Variants in POMT2 observed in about 807,000 individuals in gnomAD.
The protein encoded by POMT2 is protein O-mannosyltransferase 2.
POMT2 carries 75 observed loss-of-function variants against 100.0 expected under a neutral mutation model. The observed-to-expected ratio is 0.75, with a 90% CI of 0.62 to 0.91. POMT2 has a LOEUF of 0.91. POMT2 is among the 40% of genes least tolerant of loss of function. The pLI is 0.00. For missense variants in POMT2, 940 were observed against 955.1 expected (o/e 0.98, Z 0.21); for synonymous variants, 378 against 374.1 (o/e 1.01, Z -0.12).
chr14:77,288,652 G>A, intron 11 of POMT2, 110 bp downstream of exon 11: 1 of 907,102 alleles, frequency 1.1e-6, no homozygotes, highest in Non-Finnish European at 1.8e-6. Flanking sequence ...CTGTGGCCTT[G>A]CTCCATTGAC....
Position 77,312,216 on chromosome 14 carries a change from T to C in POMT2, c.249-183A>G, listed in dbSNP as rs780300354. ...GGAAGAAAGACATCAAGCTGGCCAC[T>C]GGTCTTCATTTAGATAGATGAGAAA... On this transcript the variant is annotated intron_variant, in intron 1 of 20. Transcript: ENST00000261534. The C allele has an allele frequency of 4.0e-6, 4 of 1,000,598 alleles. No individual in the cohort carries two copies. The South Asian group carries it at 7.0e-5, about 18-fold the overall frequency. 62.0% of individuals were successfully genotyped at this position (1,000,598 alleles called of 1,614,324 possible).
In POMT2 at chr14:77,284,083, T is replaced by C. The variant is rs188406110; in HGVS notation, c.1577-210A>G. 4 of 604,762 alleles carry C rather than the reference T, an allele frequency of 6.6e-6. No homozygotes were observed. In the East Asian group the frequency reaches 9.2e-5, roughly 14 times the overall value. 37.5% of individuals were successfully genotyped at this position (604,762 alleles called of 1,614,324 possible). On this transcript the variant is annotated intron_variant, in intron 14 of 20. Transcript: ENST00000261534. ...GGCATTCTAAGAAATGCAAAGGAAA[T>C]AGACAACAAGGTTTCACCTGCTTGG... is the stretch of plus-strand genomic sequence containing the variant.
chr14:77,314,904 C>T (rs2139527783), intron 1 of POMT2, among the ~76,000 whole-genome samples: 1 of 152,332 alleles, frequency 6.6e-6, no homozygotes, highest in South Asian at 2.1e-4. Context: ...ATAAATATGA[C>T]TTGCTTTGTG....
Position 77,278,431 on chromosome 14 carries a change from C to T in POMT2, c.2110G>A (p.Ala704Thr). The T allele has an allele frequency of 6.7e-7, 1 of 1,494,522 alleles. No homozygotes were observed. 92.6% of individuals were successfully genotyped at this position (1,494,522 alleles called of 1,614,324 possible). A position where few individuals can be genotyped will look rare whatever the true frequency, so the allele number is the denominator to read the frequency against. ...SWPLARGIHV[A>T]GILSLLLGTA... ...CCCAGGAGCAGGCTCAGGATTCCCG[C>T]CACATGTATGCCCCTCGCCAGGGGC... Residue 704 changes from alanine to threonine, a missense_variant, in exon 20 of 21, where the codon GCG becomes ACG. Ala to Thr is a moderately conservative substitution (Grantham distance 58). Coordinates refer to ENST00000261534, the MANE Select transcript of POMT2 (RefSeq NM_013382.7).
chr14:77,280,247 A>G, intron 16 of POMT2, 145 bp downstream of exon 16: 1 of 1,555,612 alleles, frequency 6.4e-7, no homozygotes, highest in Non-Finnish European at 8.7e-7. Flanking sequence ...ATTAGGGCAG[A>G]AAACAGATAC....
rs570851802 is a variant in POMT2 at position 77,298,776 on chromosome 14, G to T, written c.924-5C>A. Reference sequence around the variant, plus strand: ...AAGAAACCGTCACCAGGGCCACTGTGGGGAGAGGAAGAGCAGAAGAGAGTC... The same window carrying T: ...AAGAAACCGTCACCAGGGCCACTGTTGGGAGAGGAAGAGCAGAAGAGAGTC... On this transcript the variant is annotated splice_region_variant and splice_polypyrimidine_tract_variant and intron_variant, in intron 7 of 20. Transcript: ENST00000261534. 6.2e-7 allele frequency: 1 copy of T among 1,611,504 alleles called. No individual in the cohort carries two copies. Among genetic ancestry groups the T allele is most frequent in the Admixed American group, 1.7e-5 (1 of 59,726 alleles).
In POMT2 at chr14:77,278,792, T is replaced by C; in HGVS notation, c.1969A>G (p.Met657Val). ...TGGTGGAAGTAGAGGACCCGGCCCA[T>C]CAGGAAAAACGGGAAGTAATGGAGT... is the stretch of plus-strand genomic sequence containing the variant. The part of the protein sequence containing the change: ...WTLHYFPFFL[M>V]GRVLYFHHYF... The change falls in exon 19 of 21, where the codon ATG becomes GTG. Residue 657 changes from methionine (M) to valine (V), a missense_variant. By Grantham distance (21) the Met-to-Val change is conservative (BLOSUM62 1). Transcript: ENST00000261534. 2 of 1,613,786 alleles carry C rather than the reference T, an allele frequency of 1.2e-6. No homozygotes were observed. The highest frequency in any genetic ancestry group is 1.7e-6 in the Non-Finnish European group (2 of 1,179,868).
At position 77,320,440 on chromosome 14, in the gene POMT2, T is replaced by G. The variant is rs746662519; in HGVS notation, c.242A>C (p.His81Pro). The G allele has an allele frequency of 1.3e-6, 2 of 1,546,450 alleles. No individual in the cohort carries two copies. The highest frequency in any genetic ancestry group is 3.9e-5 in the Admixed American group (2 of 51,014). ...AGTCCCTCCCATCACTCACCAGATGTGCGGCGGCTCGTCCAAGCGGTGGAA... is the reference window on the plus strand; with the variant it reads ...AGTCCCTCCCATCACTCACCAGATGGGCGGCGGCTCGTCCAAGCGGTGGAA... The part of the protein sequence containing the change: ...TRFHRLDEPP[H>P]ICWDETHFGK... Residue 81 changes from histidine (H) to proline (P), a missense_variant, in exon 1 of 21, where the codon CAC becomes CCC. By Grantham distance (77) the His-to-Pro change is moderately conservative (BLOSUM62 -2). Coordinates refer to ENST00000261534, the MANE Select transcript of POMT2 (RefSeq NM_013382.7).
chr14:77,312,312 T>G (rs1172761015), intron 1 of POMT2: 3 of 326,014 alleles, frequency 9.2e-6, no homozygotes, highest in Non-Finnish European at 1.7e-5. Context: ...TATCTTGAGT[T>G]TCTATTTATT....
intron 10 of POMT2, among the ~76,000 whole-genome samples, chr14:77,289,969 A>T (rs1370042617): frequency 6.6e-6 from 1 of 152,194 alleles, no homozygotes; most frequent in Non-Finnish European, 1.5e-5. Context: ...AGAATCAGAG[A>T]ACTCAACCGC....
At position 77,279,896 on chromosome 14, in the gene POMT2, G is replaced by T; in HGVS notation, c.1818C>A (p.Ala606=). 1 of 1,614,110 alleles carries T rather than the reference G, an allele frequency of 6.2e-7. No individual in the cohort carries two copies. Among genetic ancestry groups the T allele is most frequent in the Non-Finnish European group, 8.5e-7 (1 of 1,180,016 alleles). ...VVWWLNLLSI[A]LYLLSGSIIA... Reference sequence around the variant, plus strand: ...TGATGCTCCCTGAGAGGAGGTAGAGGGCGATGCTCAACAGATTCAGCCACC... The same window carrying T: ...TGATGCTCCCTGAGAGGAGGTAGAGTGCGATGCTCAACAGATTCAGCCACC... The change falls in exon 18 of 21, where the codon GCC becomes GCA. Residue 606 remains alanine (A), a synonymous_variant. Transcript: ENST00000261534.
At chr14:77,304,926 C>T in intron 3 of POMT2, 126 bp from the exon 4 acceptor site, 1 of 1,479,742 alleles carries the variant, frequency 6.8e-7, no homozygotes, top group South Asian at 1.2e-5. Flanking sequence ...GACCTAAAGT[C>T]ACCTAGGATA....
rs1890679669 is a variant in POMT2, at chr14:77,292,688, G to A, written c.1117-1308C>T. Reference sequence around the variant, plus strand: ...TCAACAACAAACTGCATATATAATGGTTGCCCCATAAGATTATAATACCAT... The same window carrying A: ...TCAACAACAAACTGCATATATAATGATTGCCCCATAAGATTATAATACCAT... On this transcript the variant is annotated intron_variant, in intron 9 of 20. Transcript: ENST00000261534. Among the ~76,000 whole-genome samples the A allele has an allele frequency of 2.0e-5, 3 of 152,142 alleles. No homozygotes were observed. In the South Asian group the frequency reaches 6.2e-4, roughly 32 times the overall value.
chr14:77,315,063 T>A (rs1168623962), intron 1 of POMT2, among the ~76,000 whole-genome samples: 4 of 152,116 alleles, frequency 2.6e-5, no homozygotes, highest in Non-Finnish European at 4.4e-5. Flanking sequence ...CATCCTAGTA[T>A]GCTGGAGAGC....
chr14:77,280,073 C>A lies in POMT2; in HGVS notation c.1733G>T (p.Arg578Leu), dbSNP rs571330846. Residue 578 changes from arginine to leucine, a missense_variant, in exon 17 of 21, where the codon CGC becomes CTC. Physicochemically the swap from Arg to Leu is moderately radical, Grantham distance 102. Coordinates refer to ENST00000261534, the MANE Select transcript of POMT2 (RefSeq NM_013382.7). ...ATCTGTGTCATTGACCCCTGAGAAG[C>A]GTAGGCCCTGTGGAATAGAGACCAC... ...WHWPINYQGL[R>L]FSGVNDTDFR... is the part of the protein sequence containing the mutation. 1 of 1,613,728 alleles carries A rather than the reference C, an allele frequency of 6.2e-7. No individual in the cohort carries two copies. Among genetic ancestry groups the A allele is most frequent in the Non-Finnish European group, 8.5e-7 (1 of 1,180,030 alleles).
intron 2 of POMT2, among the ~76,000 whole-genome samples, chr14:77,309,267 T>C (rs1409912547): frequency 6.6e-6 from 1 of 152,242 alleles, no homozygotes; most frequent in African/African-American, 2.4e-5. Context: ...ATGAGGCTTC[T>C]GACCCTGTAC....
At chr14:77,317,398 C>T (rs1364270981) in intron 1 of POMT2, among the ~76,000 whole-genome samples, 1 of 152,200 alleles carries the variant, frequency 6.6e-6, no homozygotes, top group Non-Finnish European at 1.5e-5. Context: ...GCCAGGTTTT[C>T]TGCTTTCCAA....
chr14:77,289,024 G>A (rs547152229), intron 10 of POMT2, among the ~76,000 whole-genome samples, 193 bp from the exon 11 acceptor site: 25 of 151,742 alleles, frequency 1.6e-4, no homozygotes, highest in African/African-American at 3.6e-4. Flanking sequence ...GATAATGCTC[G>A]AAAAGACTCT....
chr14:77,318,099 G>A (rs1173108195), intron 1 of POMT2, among the ~76,000 whole-genome samples: 2 of 152,192 alleles, frequency 1.3e-5, no homozygotes, highest in Non-Finnish European at 2.9e-5. Flanking sequence ...ATGTAGCAAT[G>A]GAAGGAAAGA....
Sources: gnomAD v4.1 joint callset for allele counts (sites outside exome capture counted in the v4.1 genomes callset) on GRCh38, gnomAD v4.1.1 for gene constraint, MANE v1.5 for transcripts, NCBI Gene and HGNC (gene_info 2026-07-23, HGNC 2026-07-21) for gene names.